Variants in FAM13A observed in about 807,000 individuals in gnomAD.
FAM13A encodes family with sequence similarity 13 member A, also known as protein FAM13A.
A neutral mutation model predicts 129.6 loss-of-function variants in FAM13A; 76 were observed. That is an observed-to-expected ratio of 0.59 (90% confidence interval 0.49 to 0.71). The LOEUF (loss-of-function observed/expected upper bound fraction) is 0.71, where lower values mean the gene tolerates loss of function less well. Ranked by LOEUF, FAM13A falls within the 30% of genes least tolerant of loss-of-function variation. FAM13A has a pLI of 0.00. For missense variants in FAM13A, 1,108 were observed against 1,249.3 expected (o/e 0.89, Z 1.70); for synonymous variants, 443 against 449.9 (o/e 0.98, Z 0.20).
chr4:88,817,176 C>T (rs557714628), intron 7 of FAM13A, among the ~76,000 whole-genome samples: 5 of 152,286 alleles, frequency 3.3e-5, no homozygotes, highest in Admixed American at 2.0e-4. Context: ...GATATGATTA[C>T]ATGCAAACTG....
chr4:88,769,809 G>A (rs536114931), intron 11 of FAM13A, among the ~76,000 whole-genome samples: 71 of 151,470 alleles, frequency 4.7e-4, no homozygotes, highest in Non-Finnish European at 9.0e-4. Context: ...CCAGCCTGGC[G>A]ACAGAGCGAG....
chr4:88,812,632 G>A (rs1467781274), intron 7 of FAM13A, among the ~76,000 whole-genome samples: 1 of 152,148 alleles, frequency 6.6e-6, no homozygotes, highest in Non-Finnish European at 1.5e-5. Flanking sequence ...CCTGGAGAGG[G>A]AGTTGCTTCT....
chr4:89,053,576 A>G (rs1194492735), intron 1 of FAM13A, among the ~76,000 whole-genome samples: 4 of 152,064 alleles, frequency 2.6e-5, no homozygotes, highest in Non-Finnish European at 2.9e-5. Flanking sequence ...CCAGGCGGTA[A>G]GACTACAGAA....
chr4:88,797,796 C>T (rs1371642244), intron 8 of FAM13A, among the ~76,000 whole-genome samples: 1 of 152,100 alleles, frequency 6.6e-6, no homozygotes, highest in African/African-American at 2.4e-5. Context: ...GCTTTAATGG[C>T]TTCCTACTGT....
intron 6 of FAM13A, among the ~76,000 whole-genome samples, chr4:88,863,673 A>G (rs1309478494): frequency 6.6e-6 from 1 of 152,188 alleles, no homozygotes; most frequent in African/African-American, 2.4e-5. Context: ...ACTGAGTTAA[A>G]TTGTCAGACA....
intron 7 of FAM13A, among the ~76,000 whole-genome samples, chr4:88,815,214 T>C (rs183232359): frequency 6.6e-6 from 1 of 152,258 alleles, no homozygotes; most frequent in East Asian, 1.9e-4. Flanking sequence ...AAAGGTATTA[T>C]AAAACATATG....
At chr4:89,055,718 T>C (rs1795732) in intron 1 of FAM13A, among the ~76,000 whole-genome samples, 37,590 of 152,050 alleles carry the variant, frequency 0.25, 4,727 homozygotes, top group Non-Finnish European at 0.28. Context: ...AAATCAGATT[T>C]TGAAGGAAAC....
intron 1 of FAM13A, among the ~76,000 whole-genome samples, chr4:89,053,772 T>C (rs1771888186): frequency 6.6e-6 from 1 of 151,514 alleles, no homozygotes; most frequent in African/African-American, 2.4e-5. Flanking sequence ...AATCATAATA[T>C]CCAGAGTATA....
chr4:88,949,989 T>C lies in FAM13A; in HGVS notation c.606-11748A>G, dbSNP rs114478926. Among the ~76,000 whole-genome samples, 1,266 of 152,266 alleles carry C rather than the reference T, an allele frequency of 8.3e-3. 15 individuals are homozygous for C. Among genetic ancestry groups the C allele is most frequent in the African/African-American group, 0.026 (1,094 of 41,536 alleles). On this transcript the variant is annotated intron_variant, in intron 4 of 23. Coordinates refer to ENST00000264344, the MANE Select transcript of FAM13A (RefSeq NM_014883.4). ...CAATATTTTGGATACGTTGGAAAAA[T>C]TGACATTAATTTCTGAGATATTTTC...
At chr4:88,980,660 T>C (rs1761545821) in intron 4 of FAM13A, among the ~76,000 whole-genome samples, 1 of 152,184 alleles carries the variant, frequency 6.6e-6, no homozygotes, top group Non-Finnish European at 1.5e-5. Context: ...AATATATAAA[T>C]ATGTGATCCT....
chr4:89,012,288 A>C (rs1316330807), intron 3 of FAM13A, among the ~76,000 whole-genome samples: 1 of 152,244 alleles, frequency 6.6e-6, no homozygotes, highest in African/African-American at 2.4e-5. Flanking sequence ...GAATACACCA[A>C]GCTGAGATAA....
At chr4:88,853,978 T>C (rs1738061252) in intron 6 of FAM13A, among the ~76,000 whole-genome samples, 1 of 152,196 alleles carries the variant, frequency 6.6e-6, no homozygotes, top group African/African-American at 2.4e-5. Flanking sequence ...TCTTGGGCCT[T>C]TGGCCACAGA....
chr4:88,999,730 G>A (rs1763998436), intron 3 of FAM13A, among the ~76,000 whole-genome samples: 1 of 151,916 alleles, frequency 6.6e-6, no homozygotes, highest in Non-Finnish European at 1.5e-5. Context: ...CTCCCCTAAG[G>A]GCCTCAAATT....
intron 2 of FAM13A, among the ~76,000 whole-genome samples, chr4:89,022,492 T>G (rs919954305): frequency 6.6e-6 from 1 of 152,148 alleles, no homozygotes; most frequent in African/African-American, 2.4e-5. Context: ...AGGGATGATA[T>G]TAAAAGTATT....
intron 11 of FAM13A, among the ~76,000 whole-genome samples, chr4:88,775,002 G>T (rs1367478389): frequency 6.6e-6 from 1 of 152,190 alleles, no homozygotes; most frequent in Non-Finnish European, 1.5e-5. Flanking sequence ...TAAGTCATTT[G>T]TAGAGGGGTG....
intron 7 of FAM13A, among the ~76,000 whole-genome samples, chr4:88,806,828 T>C (rs10516821): frequency 0.043 from 6,571 of 152,196 alleles, 226 homozygotes; most frequent in Non-Finnish European, 0.067. Context: ...AGCGCTATTA[T>C]AGGAGGTGAC....
intron 19 of FAM13A, among the ~76,000 whole-genome samples, 187 bp downstream of exon 19, chr4:88,746,745 T>C (rs960622308): frequency 2.6e-5 from 4 of 152,186 alleles, no homozygotes; most frequent in African/African-American, 9.6e-5. Flanking sequence ...ATCTACTAGA[T>C]AGAACTTTCT....
At chr4:88,954,653 G>C (rs982090799) in intron 4 of FAM13A, among the ~76,000 whole-genome samples, 5 of 152,172 alleles carry the variant, frequency 3.3e-5, no homozygotes, top group Non-Finnish European at 5.9e-5. Flanking sequence ...GGAGGCCCAA[G>C]GTGGGCAGAT....
intron 11 of FAM13A, among the ~76,000 whole-genome samples, chr4:88,772,946 T>G (rs918467801): frequency 6.6e-6 from 1 of 152,188 alleles, no homozygotes; most frequent in Non-Finnish European, 1.5e-5. Context: ...GAGACTGATA[T>G]AAGTTAGAAG....
Sources: gnomAD v4.1 joint callset for allele counts (sites outside exome capture counted in the v4.1 genomes callset) on GRCh38, gnomAD v4.1.1 for gene constraint, MANE v1.5 for transcripts, NCBI Gene and HGNC (gene_info 2026-07-23, HGNC 2026-07-21) for gene names.